The following KIAA1671 variants were observed in gnomAD, a reference collection of about 807,000 sequenced individuals.
The protein encoded by KIAA1671 is uncharacterized protein KIAA1671.
Under a neutral mutation model 131.2 loss-of-function variants are expected in KIAA1671, and 52 were observed. The observed-to-expected ratio is 0.40, with a 90% CI of 0.32 to 0.50. The LOEUF is 0.50. Ranked by LOEUF, KIAA1671 falls within the 20% of genes least tolerant of loss-of-function variation. The pLI is 0.73. For synonymous variants in KIAA1671, 1,003 were observed against 961.6 expected (o/e 1.04, Z -0.80); for missense variants, 2,360 against 2,364.2 (o/e 1.00, Z 0.04).
At chr22:24,964,686 G>T (rs1479091979) in intron 1 of KIAA1671, among the ~76,000 whole-genome samples, 1 of 152,130 alleles carries the variant, frequency 6.6e-6, no homozygotes, top group African/African-American at 2.4e-5. Flanking sequence ...GCCTCCCAAA[G>T]TGCTGGGATT....
chr22:24,995,630 A>T (rs557879223), intron 1 of KIAA1671, among the ~76,000 whole-genome samples: 13 of 152,320 alleles, frequency 8.5e-5, no homozygotes, highest in African/African-American at 2.9e-4. Context: ...AAGTGCTGGG[A>T]TTATAGGCAT....
intron 1 of KIAA1671, among the ~76,000 whole-genome samples, chr22:25,007,613 C>G (rs1183855321): frequency 1.3e-5 from 2 of 152,034 alleles, no homozygotes; most frequent in Admixed American, 1.3e-4. Context: ...GGTGACAGAC[C>G]CTCTCCATAA....
chr22:25,121,899 C>G (rs1931963096), intron 6 of KIAA1671, among the ~76,000 whole-genome samples: 1 of 152,108 alleles, frequency 6.6e-6, no homozygotes, highest in African/African-American at 2.4e-5. Context: ...TACCTGGCTC[C>G]TGAAAATTGC....
Position 25,040,822 on chromosome 22 carries a change from C to G in KIAA1671, c.3692C>G (p.Thr1231Arg), listed in dbSNP as rs1040595211. ...AGGAGTCCCACCGTGGAGCCCAGTACGTTGCCTCGGGAGAGGCCTGTTCAG... is the reference window on the plus strand; with the variant it reads ...AGGAGTCCCACCGTGGAGCCCAGTAGGTTGCCTCGGGAGAGGCCTGTTCAG... ...ERRSPTVEPS[T>R]LPRERPVQLG... Residue 1231 changes from threonine (T) to arginine (R), a missense_variant, in exon 5 of 13, where the codon ACG becomes AGG. By Grantham distance (71) the Thr-to-Arg change is moderately conservative. Transcript: ENST00000358431. 8.2e-5 allele frequency: 127 copies of G among 1,551,598 alleles called. 1 individual carries two copies. In the South Asian group the frequency reaches 9.6e-4, roughly 12 times the overall value.
chr22:25,157,730 GTC>G (rs1457653912), intron 6 of KIAA1671, among the ~76,000 whole-genome samples: 1 of 151,202 alleles, frequency 6.6e-6, no homozygotes, highest in Admixed American at 6.6e-5. Context: ...CTCAGGATCA[GTC>G]TCTCCTATTT....
chr22:25,083,548 G>C (rs5760835), intron 6 of KIAA1671, among the ~76,000 whole-genome samples: 3,501 of 152,234 alleles, frequency 0.023, 87 homozygotes, highest in East Asian at 0.12. Context: ...GCATTTTACA[G>C]ATAAGGAAAA....
chr22:25,019,665 A>G (rs9624697), intron 1 of KIAA1671, among the ~76,000 whole-genome samples: 78,904 of 148,346 alleles, frequency 0.53, 21,111 homozygotes, highest in South Asian at 0.6. Context: ...AACCTTTGCT[A>G]TTGTCATGAC....
intron 6 of KIAA1671, among the ~76,000 whole-genome samples, chr22:25,086,895 A>T (rs955746637): frequency 6.6e-6 from 1 of 152,212 alleles, no homozygotes; most frequent in Non-Finnish European, 1.5e-5. Context: ...GCACCAGGCA[A>T]GTAAAGCCGG....
intron 1 of KIAA1671, among the ~76,000 whole-genome samples, chr22:25,008,011 A>G (rs1477793860): frequency 6.6e-6 from 1 of 151,974 alleles, no homozygotes; most frequent in Non-Finnish European, 1.5e-5. Context: ...CAGCCTGGCC[A>G]ACATGATGAA....
intron 6 of KIAA1671, among the ~76,000 whole-genome samples, chr22:25,080,016 G>C (rs1929322277): frequency 6.6e-6 from 1 of 152,164 alleles, no homozygotes; most frequent in Admixed American, 6.5e-5. Context: ...CCCAGGATGT[G>C]CTCATGGATT....
intron 6 of KIAA1671, chr22:25,063,745 T>C (rs1444878518): frequency 6.6e-6 from 1 of 152,132 alleles, no homozygotes; most frequent in Non-Finnish European, 1.5e-5. Flanking sequence ...ACAAAAACCA[T>C]CCTTGACATT....
chr22:25,157,722 C>T (rs1933290903), intron 6 of KIAA1671, among the ~76,000 whole-genome samples: 1 of 152,122 alleles, frequency 6.6e-6, no homozygotes, highest in South Asian at 2.1e-4. Flanking sequence ...TCTTCTCCCT[C>T]AGGATCAGTC....
chr22:25,144,130 GTCTCTTTCTC>G (rs1266291169), intron 6 of KIAA1671, among the ~76,000 whole-genome samples: 1 of 152,226 alleles, frequency 6.6e-6, no homozygotes, highest in Non-Finnish European at 1.5e-5. Context: ...TGTTCTCACA[GTCTCTTTCTC>G]TCTCTTTCTC....
At chr22:25,093,834 G>GTCTCTCTCTCTCTCTCTC (rs1568951583) in intron 6 of KIAA1671, among the ~76,000 whole-genome samples, 1 of 16,940 alleles carries the variant, frequency 5.9e-5, no homozygotes, top group African/African-American at 3.3e-4. Context: ...TTCTCTCTCT[G>GTCTCTCTCTCTCTCTCTC]TCTGTCTCTC....
intron 1 of KIAA1671, among the ~76,000 whole-genome samples, chr22:25,001,371 C>A (rs1054238319): frequency 6.6e-6 from 1 of 152,072 alleles, no homozygotes; most frequent in Non-Finnish European, 1.5e-5. Flanking sequence ...CAGAAATTTT[C>A]TTTAAGATCA....
Position 25,039,231 on chromosome 22 carries a change from C to G in KIAA1671, c.2101C>G (p.Leu701Val). 1.3e-6 allele frequency: 2 copies of G among 1,552,296 alleles called. No homozygotes were observed. Among genetic ancestry groups the G allele is most frequent in the South Asian group, 2.4e-5 (2 of 84,066 alleles). ...NGELRPYHTP[L>V]RDKYPLSENH... The stretch of plus-strand genomic sequence containing the variant: ...TGAACTGAGACCGTATCACACGCCT[C>G]TCCGGGACAAATACCCTTTGTCTGA... Residue 701 changes from leucine to valine, a missense_variant, in exon 5 of 13, where the codon CTC becomes GTC. Transcript: ENST00000358431.
intron 6 of KIAA1671, among the ~76,000 whole-genome samples, chr22:25,087,238 CCCACTCTT>C (rs1195097210): frequency 6.7e-6 from 1 of 149,692 alleles, no homozygotes; most frequent in East Asian, 2.0e-4. Context: ...GCTGAATCTG[CCCACTCTT>C]AGAGATTTAG....
chr22:25,041,499 GAGTCAGGGACTGGAGAC>G lies in KIAA1671; in HGVS notation c.4375_4391del (p.Gly1459GlnfsTer59). 6.5e-7 allele frequency: 1 copy of G among 1,549,084 alleles called. No homozygotes were observed. Among genetic ancestry groups the G allele is most frequent in the Admixed American group, 2.0e-5 (1 of 50,098 alleles). On this transcript the variant is annotated frameshift_variant, in exon 5 of 13. Transcript: ENST00000358431. LOFTEE classifies it high-confidence loss of function. ...GGCCAAAATGGGACCCTGTTGGTGG[GAGTCAGGGACTGGAGAC>G]AGTCACAAGGTAAGTACCGAGACAC...
intron 6 of KIAA1671, among the ~76,000 whole-genome samples, chr22:25,165,375 C>T (rs972044774): frequency 1.3e-5 from 2 of 152,128 alleles, no homozygotes; most frequent in African/African-American, 4.8e-5. Flanking sequence ...GGATTCAAGT[C>T]CAGGTGTTCT....
Sources: gnomAD v4.1 joint callset for allele counts (sites outside exome capture counted in the v4.1 genomes callset) on GRCh38, gnomAD v4.1.1 for gene constraint, MANE v1.5 for transcripts, NCBI Gene and HGNC (gene_info 2026-07-23, HGNC 2026-07-21) for gene names.